RNF220: variants seen among roughly 807,000 people sequenced by gnomAD.
The protein encoded by RNF220 is ring finger protein 220.
RNF220 carries 7 observed loss-of-function variants against 67.1 expected under a neutral mutation model. The ratio of observed to expected loss-of-function variants is 0.10; its 90% CI spans 0.06 to 0.20. RNF220 has a LOEUF of 0.20. RNF220 is among the 10% of genes least tolerant of loss of function. RNF220 has a pLI of 1.00. For synonymous variants in RNF220, 270 were observed against 283.2 expected, an observed-to-expected ratio of 0.95 and a Z score of 0.47; for missense variants, 565 against 740.3, an observed-to-expected ratio of 0.76 and a Z score of 2.75.
chr1:44,426,572 C>T (rs1287488659), intron 2 of RNF220, among the ~76,000 whole-genome samples: 2 of 151,844 alleles, frequency 1.3e-5, no homozygotes. Flanking sequence ...ACTAAAAATA[C>T]AAAAATTAGT....
chr1:44,539,381 A>G (rs1192274757), intron 2 of RNF220, among the ~76,000 whole-genome samples: 3 of 152,174 alleles, frequency 2.0e-5, no homozygotes, highest in Non-Finnish European at 4.4e-5. Flanking sequence ...CTTTCTACTT[A>G]TAGTTCTGTC....
At position 44,462,638 on chromosome 1, in the gene RNF220, G is replaced by T. The variant is rs535701674; in HGVS notation, c.625+49916G>T. 1.1e-4 allele frequency among the ~76,000 whole-genome samples: 16 copies of T among 152,230 alleles called. No homozygotes were observed. In the South Asian group the frequency reaches 3.3e-3, roughly 32 times the overall value. On this transcript the variant is annotated intron_variant, in intron 2 of 14. Transcript: ENST00000361799. ...TATAAACAAATTTTGGTCAACAATG[G>T]TAGAAAAAAGACAGGATTTTCTATT...
intron 2 of RNF220, among the ~76,000 whole-genome samples, chr1:44,599,108 T>G (rs1666742347): frequency 6.6e-6 from 1 of 152,088 alleles, no homozygotes; most frequent in Non-Finnish European, 1.5e-5. Context: ...TCAGAGAATC[T>G]CTCTGCCCTC....
At chr1:44,637,338 C>T (rs1644358321) in intron 8 of RNF220, among the ~76,000 whole-genome samples, 1 of 152,226 alleles carries the variant, frequency 6.6e-6, no homozygotes, top group Non-Finnish European at 1.5e-5. Flanking sequence ...CAAACAGTCT[C>T]CCTGAGCCGG....
intron 2 of RNF220, among the ~76,000 whole-genome samples, chr1:44,596,831 C>G (rs985141544): frequency 3.9e-5 from 6 of 152,328 alleles, no homozygotes; most frequent in African/African-American, 1.4e-4. Context: ...CCGCTCTCAA[C>G]TATGAGGAGT....
intron 2 of RNF220, among the ~76,000 whole-genome samples, chr1:44,515,416 A>G (rs1484179054): frequency 6.6e-6 from 1 of 152,186 alleles, no homozygotes; most frequent in African/African-American, 2.4e-5. Flanking sequence ...TAGCAGATAA[A>G]GTTGTAAATG....
rs148909002 is a variant in RNF220, at chr1:44,651,194, C to T, written c.*419C>T. 2.3e-3 allele frequency: 460 copies of T among 199,332 alleles called. 3 individuals carry two copies. The highest frequency in any genetic ancestry group is 9.7e-3 in the African/African-American group (432 of 44,366). 12.3% of individuals were successfully genotyped at this position (199,332 alleles called of 1,614,324 possible). On this transcript the variant is annotated 3_prime_UTR_variant, in exon 15 of 15. Transcript: ENST00000361799. ...GTTGTGTATAAATGGGACAACTCCT[C>T]GCCCTCTACCTGTCCCCTCCCCCTT...
intron 2 of RNF220, among the ~76,000 whole-genome samples, chr1:44,550,251 C>T (rs539250910): frequency 1.3e-5 from 2 of 152,286 alleles, no homozygotes; most frequent in East Asian, 1.9e-4. Context: ...CAAGAAGGCT[C>T]GAGAAGAAGC....
At chr1:44,527,951 A>AAAAAT in intron 2 of RNF220, among the ~76,000 whole-genome samples, 1 of 144,348 alleles carries the variant, frequency 6.9e-6, no homozygotes, top group Non-Finnish European at 1.5e-5. Flanking sequence ...AAAAAAAAAA[A>AAAAAT]GTTAAATGCA....
intron 2 of RNF220, among the ~76,000 whole-genome samples, chr1:44,547,747 T>G (rs1662286909): frequency 6.6e-6 from 1 of 152,196 alleles, no homozygotes; most frequent in Admixed American, 6.5e-5. Flanking sequence ...CTTCAGCGCT[T>G]TGTCCAATAG....
chr1:44,588,199 A>G (rs1185422988), intron 2 of RNF220, among the ~76,000 whole-genome samples: 2 of 152,214 alleles, frequency 1.3e-5, no homozygotes, highest in Non-Finnish European at 2.9e-5. Context: ...ATATCCTGCA[A>G]TCCTGATCTC....
chr1:44,451,821 A>G (rs1652714075), intron 2 of RNF220, among the ~76,000 whole-genome samples: 1 of 152,046 alleles, frequency 6.6e-6, no homozygotes, highest in African/African-American at 2.4e-5. Context: ...GGGTTTCACC[A>G]TGTTGGCCAG....
intron 2 of RNF220, among the ~76,000 whole-genome samples, chr1:44,507,415 G>A (rs970416356): frequency 1.3e-5 from 2 of 152,094 alleles, no homozygotes; most frequent in Non-Finnish European, 2.9e-5. Flanking sequence ...TTTGAACAAA[G>A]TGGAGAACCT....
chr1:44,412,327 G>T lies in RNF220; in HGVS notation c.230G>T (p.Gly77Val). The T allele has an allele frequency of 6.2e-7, 1 of 1,614,164 alleles. No individual in the cohort carries two copies. Among genetic ancestry groups the T allele is most frequent in the African/African-American group, 1.3e-5 (1 of 75,036 alleles). The change falls in exon 2 of 15, where the codon GGT becomes GTT. Residue 77 changes from glycine (G) to valine (V), a missense_variant. Coordinates refer to ENST00000361799, the MANE Select transcript of RNF220 (RefSeq NM_018150.4). The surrounding 1 kb of genome is among the most constrained non-coding windows in gnomAD (Gnocchi z 5.3). The part of the protein sequence containing the change: ...YTFASMYHRQ[G>V]GVPGTFANRD... ...TTTGCCTCTATGTACCATCGGCAAGGTGGGGTGCCAGGCACTTTTGCCAAT... is the reference window on the plus strand; with the variant it reads ...TTTGCCTCTATGTACCATCGGCAAGTTGGGGTGCCAGGCACTTTTGCCAAT...
chr1:44,536,062 G>T (rs1661196610), intron 2 of RNF220, among the ~76,000 whole-genome samples: 1 of 152,196 alleles, frequency 6.6e-6, no homozygotes, highest in Non-Finnish European at 1.5e-5. Flanking sequence ...TGAGAAAGGG[G>T]TCTTCTCTAC....
intron 2 of RNF220, among the ~76,000 whole-genome samples, chr1:44,454,894 G>A (rs1291229418): frequency 1.3e-5 from 2 of 152,020 alleles, no homozygotes; most frequent in Non-Finnish European, 2.9e-5. Context: ...TTACTGAGTA[G>A]TATTCCATTA....
chr1:44,605,597 G>T (rs1667219243), intron 2 of RNF220, among the ~76,000 whole-genome samples: 1 of 152,164 alleles, frequency 6.6e-6, no homozygotes, highest in South Asian at 2.1e-4. Context: ...TCTAAAGAAG[G>T]TGATAGAATC....
chr1:44,507,176 G>A (rs968210452), intron 2 of RNF220, among the ~76,000 whole-genome samples: 6 of 152,118 alleles, frequency 3.9e-5, no homozygotes, highest in East Asian at 1.9e-4. Flanking sequence ...TTCTTCTAGC[G>A]GCCGGATCTC....
chr1:44,510,175 G>C (rs1283295837), intron 2 of RNF220, among the ~76,000 whole-genome samples: 1 of 151,032 alleles, frequency 6.6e-6, no homozygotes, highest in African/African-American at 2.4e-5. Context: ...GGAGGTCAAG[G>C]CAGCAGTGAA....
Sources: gnomAD v4.1 joint callset for allele counts (sites outside exome capture counted in the v4.1 genomes callset) on GRCh38, gnomAD v4.1.1 for gene constraint, Gnocchi (gnomAD v3.1) non-coding constraint, MANE v1.5 for transcripts, NCBI Gene and HGNC (gene_info 2026-07-23, HGNC 2026-07-21) for gene names.